The following C19orf44 variants were observed in gnomAD, a reference collection of about 807,000 sequenced individuals.
The protein encoded by C19orf44 is chromosome 19 open reading frame 44, also known as uncharacterized protein C19orf44.
In C19orf44, 43 loss-of-function variants were observed where a neutral mutation model predicts 50.7. That is an observed-to-expected ratio of 0.85 (90% CI 0.66 to 1.09). The LOEUF (loss-of-function observed/expected upper bound fraction) is 1.09. C19orf44 is among the 50% of genes least tolerant of loss of function. The pLI is 0.00. For missense variants in C19orf44, 722 were observed against 836.2 expected (o/e 0.86, Z 1.68); for synonymous variants, 298 against 334.7 (o/e 0.89, Z 1.20).
chr19:16,520,854 G>A lies in C19orf44; in HGVS notation c.*801G>A, dbSNP rs751076830. The A allele has an allele frequency of 7.4e-6, 12 of 1,613,716 alleles. No homozygotes were observed. The highest frequency in any genetic ancestry group is 2.2e-5 in the East Asian group (1 of 44,878). Reference sequence around the variant, plus strand: ...TTCCTCTTCTCCTGGCCTTTCCTCCGCCGGGCCCGCATTTTTGCTCGGAAG... The same window carrying A: ...TTCCTCTTCTCCTGGCCTTTCCTCCACCGGGCCCGCATTTTTGCTCGGAAG... On this transcript the variant is annotated 3_prime_UTR_variant, in exon 9 of 9. Transcript: ENST00000221671. The surrounding 1 kb of genome is among the most constrained non-coding windows in gnomAD (Gnocchi z 4.0).
intron 8 of C19orf44, among the ~76,000 whole-genome samples, chr19:16,517,647 G>A (rs950264877): frequency 1.4e-4 from 22 of 151,802 alleles, no homozygotes; most frequent in African/African-American, 5.1e-4. Context: ...CAGGACAGGG[G>A]CCACCAGCCT....
chr19:16,509,827 GA>G lies in C19orf44; in HGVS notation c.1480del (p.Thr494HisfsTer12), dbSNP rs759992419. 6 of 1,614,248 alleles carry G rather than the reference GA, an allele frequency of 3.7e-6. No individual in the cohort carries two copies. The African/African-American group carries it at 8.0e-5, about 22-fold the overall frequency. On this transcript the variant is annotated frameshift_variant, in exon 5 of 9. Coordinates refer to ENST00000221671, the MANE Select transcript of C19orf44 (RefSeq NM_032207.4). LOFTEE classifies it high-confidence loss of function. ...GCCCATTCCAAGGAGTCTCTTGACA[GA>G]ACACTGGACGCTTTGTCTGAATCCT... is the stretch of plus-strand genomic sequence containing the variant. ...PTAHSKESLD[R>X]TLDALSESSS...
Position 16,506,683 on chromosome 19 carries a change from C to T in C19orf44, c.1076-18C>T. 1 of 1,539,160 alleles carries T rather than the reference C, an allele frequency of 6.5e-7. No homozygotes were observed. Among genetic ancestry groups the T allele is most frequent in the South Asian group, 1.2e-5 (1 of 81,902 alleles). On this transcript the variant is annotated intron_variant, in intron 3 of 8. Coordinates refer to ENST00000221671, the MANE Select transcript of C19orf44 (RefSeq NM_032207.4). Reference sequence around the variant, plus strand: ...AAGAGAGTAAATGTAAACGCTTATACTCATTTTTTAATTACAGAGTTTAGA... The same window carrying T: ...AAGAGAGTAAATGTAAACGCTTATATTCATTTTTTAATTACAGAGTTTAGA...
chr19:16,499,477 C>G (rs895192813), intron 1 of C19orf44: 1 of 151,612 alleles, frequency 6.6e-6, no homozygotes, highest in Admixed American at 6.6e-5. Context: ...TTAGTAGAGA[C>G]GGGGTTTCAC....
chr19:16,520,762 G>A lies in C19orf44; in HGVS notation c.*709G>A. ...GACGTGATGAGTGTATCTGGGGTCT[G>A]CTCCCACCCATCACAAGCTGTGGAC... On this transcript the variant is annotated 3_prime_UTR_variant, in exon 9 of 9. Coordinates refer to ENST00000221671, the MANE Select transcript of C19orf44 (RefSeq NM_032207.4). This position sits in a 1 kb window ranked among gnomAD's most constrained non-coding sequence, Gnocchi z 4.0. 2 of 1,477,988 alleles carry A rather than the reference G, an allele frequency of 1.4e-6. No individual in the cohort carries two copies. The highest frequency in any genetic ancestry group is 2.3e-5 in the East Asian group (1 of 44,240). The allele number at this position is 1,477,988 out of a possible 1,614,324, so 91.6% of individuals were successfully genotyped here.
chr19:16,517,475 GGT>G, intron 8 of C19orf44, 134 bp downstream of exon 8: 1 of 665,998 alleles, frequency 1.5e-6, no homozygotes, highest in Non-Finnish European at 2.6e-6. Context: ...TCAGCATCCA[GGT>G]GTGACATTCC....
At chr19:16,513,241 T>C (rs2093462853) in intron 6 of C19orf44, 132 bp downstream of exon 6, 2 of 850,408 alleles carry the variant, frequency 2.4e-6, no homozygotes, top group Admixed American at 2.3e-5. Flanking sequence ...GCAGGGATTA[T>C]TGCAGCCACA....
intron 6 of C19orf44, among the ~76,000 whole-genome samples, chr19:16,514,162 T>TG (rs1350961105): frequency 6.6e-6 from 1 of 151,602 alleles, no homozygotes; most frequent in African/African-American, 2.4e-5. Flanking sequence ...TAATTTTTTT[T>TG]TTTGTTTTTT....
Position 16,506,756 on chromosome 19 carries a change from C to G in C19orf44, c.1131C>G (p.Asn377Lys). 6.2e-7 allele frequency: 1 copy of G among 1,604,994 alleles called. No individual in the cohort carries two copies. Among genetic ancestry groups the G allele is most frequent in the Non-Finnish European group, 8.5e-7 (1 of 1,175,446 alleles). ...LDGLAPAVSE[N>K]SDLEQEEESA... ...GTCTGGCTCCAGCTGTCAGTGAGAACTCCGATTTGGAACAGGAAGTAAGTA... is the reference window on the plus strand; with the variant it reads ...GTCTGGCTCCAGCTGTCAGTGAGAAGTCCGATTTGGAACAGGAAGTAAGTA... Residue 377 changes from asparagine (N) to lysine (K), a missense_variant, in exon 4 of 9, where the codon AAC becomes AAG. Physicochemically the swap from Asn to Lys is moderately conservative, Grantham distance 94. Coordinates refer to ENST00000221671, the MANE Select transcript of C19orf44 (RefSeq NM_032207.4).
rs768121192 is a variant in C19orf44 at position 16,520,491 on chromosome 19, G to A, written c.*438G>A. On this transcript the variant is annotated 3_prime_UTR_variant, in exon 9 of 9. Transcript: ENST00000221671. This position sits in a 1 kb window ranked among gnomAD's most constrained non-coding sequence, Gnocchi z 4.0. ...CGCCCTCGACTCTTGGATCTGCTCC[G>A]AGACCTCGAGGGTCCGCTGTGGGGA... 5.6e-6 allele frequency: 9 copies of A among 1,613,616 alleles called. No homozygotes were observed. The highest frequency in any genetic ancestry group is 2.2e-5 in the East Asian group (1 of 44,876).
chr19:16,519,058 T>C lies in C19orf44; in HGVS notation c.*41-1036T>C. 2 of 1,051,352 alleles carry C rather than the reference T, an allele frequency of 1.9e-6. No homozygotes were observed. Among genetic ancestry groups the C allele is most frequent in the South Asian group, 1.4e-5 (1 of 70,114 alleles). The allele number at this position is 1,051,352 out of a possible 1,614,324, so 65.1% of individuals were successfully genotyped here. A position where few individuals can be genotyped will look rare whatever the true frequency, so the allele number is the denominator to read the frequency against. ...TGTGGCTCTCCACAAGTGGAGACGGTGTAAGAACTGAGCTGTCACTGCAAT... is the reference window on the plus strand; with the variant it reads ...TGTGGCTCTCCACAAGTGGAGACGGCGTAAGAACTGAGCTGTCACTGCAAT... On this transcript the variant is annotated intron_variant, in intron 8 of 8. Coordinates refer to ENST00000221671, the MANE Select transcript of C19orf44 (RefSeq NM_032207.4). The surrounding 1 kb of genome is among the most constrained non-coding windows in gnomAD (Gnocchi z 6.0).
At position 16,501,089 on chromosome 19, in the gene C19orf44, G is replaced by C; in HGVS notation, c.297G>C (p.Gln99His). 6.2e-7 allele frequency: 1 copy of C among 1,614,098 alleles called. No homozygotes were observed. The highest frequency in any genetic ancestry group is 1.1e-5 in the South Asian group (1 of 91,080). The change falls in exon 2 of 9, where the codon CAG (glutamine) becomes CAC (histidine). Residue 99 changes from glutamine to histidine, a missense_variant. Transcript: ENST00000221671. ...ATGCCGCACTCATGAAGCTGGCCCA[G>C]CTGGAAACCCGGATCATGAATCGGA... ...RANAALMKLA[Q>H]LETRIMNRKL...
intron 4 of C19orf44, among the ~76,000 whole-genome samples, chr19:16,509,265 C>T (rs766628055): frequency 1.3e-5 from 2 of 152,152 alleles, no homozygotes; most frequent in African/African-American, 4.8e-5. Flanking sequence ...ATGCCATCCA[C>T]GTGCCACCTA....
chr19:16,521,225 AGG>A lies in C19orf44; in HGVS notation c.*1173_*1174del. 1.7e-6 allele frequency: 1 copy of A among 571,684 alleles called. No homozygotes were observed. The allele number at this position is 571,684 out of a possible 1,614,324, so 35.4% of individuals were successfully genotyped here. A position where few individuals can be genotyped will look rare whatever the true frequency, so the allele number is the denominator to read the frequency against. On this transcript the variant is annotated 3_prime_UTR_variant, in exon 9 of 9. Coordinates refer to ENST00000221671, the MANE Select transcript of C19orf44 (RefSeq NM_032207.4). ...GACAGGCCTGCAGCCCAGCACAGGA[AGG>A]AGGGGTGACCACTGGGAAGGGTGGG...
chr19:16,512,454 A>G (rs2093460218), intron 5 of C19orf44, among the ~76,000 whole-genome samples: 1 of 152,132 alleles, frequency 6.6e-6, no homozygotes, highest in Non-Finnish European at 1.5e-5. Context: ...ACTGCTCTCG[A>G]CTGCAGCCAC....
At chr19:16,497,805 A>C (rs1470576566) in intron 1 of C19orf44, among the ~76,000 whole-genome samples, 1 of 152,150 alleles carries the variant, frequency 6.6e-6, no homozygotes, top group East Asian at 1.9e-4. Context: ...TTTCCGTTTT[A>C]GTCTACTAGG....
At position 16,496,410 on chromosome 19, in the gene C19orf44, G is replaced by T. The variant is rs543897651; in HGVS notation, c.-57G>T. On this transcript the variant is annotated 5_prime_UTR_variant, in exon 1 of 9. Transcript: ENST00000221671. ...TCTGGCTCTGTTGCCCAGGGCAACCGCTCCTTCAGGCGTGAATGTGGCGGC... is the reference window on the plus strand; with the variant it reads ...TCTGGCTCTGTTGCCCAGGGCAACCTCTCCTTCAGGCGTGAATGTGGCGGC... 1 of 485,064 alleles carries T rather than the reference G, an allele frequency of 2.1e-6. No individual in the cohort carries two copies. 30.0% of individuals were successfully genotyped at this position (485,064 alleles called of 1,614,324 possible).
intron 4 of C19orf44, among the ~76,000 whole-genome samples, chr19:16,509,053 C>A (rs532762223): frequency 3.9e-5 from 6 of 152,274 alleles, no homozygotes; most frequent in African/African-American, 1.4e-4. Flanking sequence ...CTCCCAACCT[C>A]AGGTGATCTG....
Position 16,501,015 on chromosome 19 carries a change from AG to A in C19orf44, c.225del (p.Arg75SerfsTer21). ...GAACCCTGTGCTCGGGAGTGGACCCAGGCTTGCCTCATGTAGACCGCCCACC... is the reference window on the plus strand; with the variant it reads ...GAACCCTGTGCTCGGGAGTGGACCCAGCTTGCCTCATGTAGACCGCCCACC... ...KENPVLGSGP[R>X]LASCRPPTTA... On this transcript the variant is annotated frameshift_variant, in exon 2 of 9. Transcript: ENST00000221671. LOFTEE classifies it high-confidence loss of function. 6.2e-7 allele frequency: 1 copy of A among 1,614,036 alleles called. No homozygotes were observed. Among genetic ancestry groups the A allele is most frequent in the Non-Finnish European group, 8.5e-7 (1 of 1,179,956 alleles).
Sources: allele counts gnomAD v4.1 joint callset (sites outside exome capture counted in the v4.1 genomes callset), GRCh38; gene constraint gnomAD v4.1.1; non-coding constraint Gnocchi (gnomAD v3.1); transcripts MANE v1.5; gene names NCBI Gene and HGNC (gene_info 2026-07-23, HGNC 2026-07-21).